GRAP2: variants seen among roughly 807,000 people sequenced by gnomAD.
GRAP2 encodes GRB2-related adapter protein 2.
A neutral mutation model predicts 43.5 loss-of-function variants in GRAP2; 31 were observed. That is an observed-to-expected ratio of 0.71 (90% CI 0.54 to 0.96). The LOEUF is 0.96. Among genes scored for constraint, GRAP2 ranks in the 40% least tolerant of loss-of-function variants. The pLI is 0.00. For synonymous variants in GRAP2, 156 were observed against 164.8 expected (o/e 0.95, Z 0.41); for missense variants, 371 against 424.4 (o/e 0.87, Z 1.11).
intron 1 of GRAP2, among the ~76,000 whole-genome samples, chr22:39,938,525 A>G (rs1373200133): frequency 6.6e-6 from 1 of 152,222 alleles, no homozygotes; most frequent in Admixed American, 6.5e-5. Flanking sequence ...AAACCCCAAG[A>G]AGCCAGCCAA....
At chr22:39,937,869 G>T (rs1270242793) in intron 1 of GRAP2, among the ~76,000 whole-genome samples, 1 of 152,116 alleles carries the variant, frequency 6.6e-6, no homozygotes, top group South Asian at 2.1e-4. Context: ...AGGGAAAAAA[G>T]AATCAAATGT....
intron 5 of GRAP2, among the ~76,000 whole-genome samples, chr22:39,966,434 C>T (rs193241981): frequency 4.6e-4 from 70 of 152,320 alleles, no homozygotes; most frequent in Non-Finnish European, 7.8e-4. Context: ...ATGTATCCCA[C>T]GCCTCATGTC....
chr22:39,969,526 C>G lies in GRAP2; in HGVS notation c.806C>G (p.Ala269Gly). 1.9e-6 allele frequency: 3 copies of G among 1,613,812 alleles called. No homozygotes were observed. Among genetic ancestry groups the G allele is most frequent in the Non-Finnish European group, 2.5e-6 (3 of 1,179,812 alleles). The change falls in exon 7 of 8, where the codon GCG becomes GGG. Residue 269 changes from alanine to glycine, a missense_variant. By Grantham distance (60) the Ala-to-Gly change is moderately conservative. Coordinates refer to ENST00000344138, the MANE Select transcript of GRAP2 (RefSeq NM_004810.4). ...CACACAGACCCAGTGCAGCTCCAGG[C>G]GGCAGGGGTATGGGAACTGTCCTTC... ...RRHTDPVQLQAAGRVRWARAL... is the reference protein window; with the variant it reads ...RRHTDPVQLQGAGRVRWARAL...
intron 1 of GRAP2, among the ~76,000 whole-genome samples, chr22:39,920,464 C>T (rs1197764223): frequency 6.6e-6 from 1 of 152,206 alleles, no homozygotes; most frequent in Non-Finnish European, 1.5e-5. Flanking sequence ...GCTGGGCTGC[C>T]TGGTTCTCCG....
In GRAP2 at chr22:39,921,218, G is replaced by A. The variant is rs138477567; in HGVS notation, c.-15+19888G>A. Reference sequence around the variant, plus strand: ...AAAACCTCACAAGCCAGCCAGCCTGGATTTGAATTTCAGCTCTATGGTTTC... The same window carrying A: ...AAAACCTCACAAGCCAGCCAGCCTGAATTTGAATTTCAGCTCTATGGTTTC... On this transcript the variant is annotated intron_variant, in intron 1 of 7. Transcript: ENST00000344138. 1.1e-4 allele frequency among the ~76,000 whole-genome samples: 17 copies of A among 152,268 alleles called. No individual in the cohort carries two copies. The East Asian group carries it at 3.3e-3, about 29-fold the overall frequency.
rs114280968 is a variant in GRAP2, at chr22:39,929,253, C to T, written c.-14-17840C>T. On this transcript the variant is annotated intron_variant, in intron 1 of 7. Coordinates refer to ENST00000344138, the MANE Select transcript of GRAP2 (RefSeq NM_004810.4). ...GACCTCTGTACTATTTTTGCAATTT[C>T]CTGAGAGACAGAGGGAAAGAGAGAA... Among the ~76,000 whole-genome samples, 962 of 152,004 alleles carry T rather than the reference C, an allele frequency of 6.3e-3. 9 individuals are homozygous for T. Among genetic ancestry groups the T allele is most frequent in the African/African-American group, 0.022 (917 of 41,408 alleles).
In GRAP2 at chr22:39,926,792, A is replaced by G. The variant is rs893681269; in HGVS notation, c.-14-20301A>G. 5.1e-6 allele frequency: 5 copies of G among 985,016 alleles called. No individual in the cohort carries two copies. In the African/African-American group the frequency reaches 7.0e-5, roughly 14 times the overall value. The allele number at this position is 985,016 out of a possible 1,614,324, so 61.0% of individuals were successfully genotyped here. A position where few individuals can be genotyped will look rare whatever the true frequency, so the allele number is the denominator to read the frequency against. ...TGATAGAGAGACAGCAGGTTCGCCC[A>G]AACAATTCTGGAACCCTGATCACTG... On this transcript the variant is annotated intron_variant, in intron 1 of 7. Coordinates refer to ENST00000344138, the MANE Select transcript of GRAP2 (RefSeq NM_004810.4).
At chr22:39,955,677 T>C in intron 2 of GRAP2, 142 bp from the exon 3 acceptor site, 1 of 550,808 alleles carries the variant, frequency 1.8e-6, no homozygotes, top group East Asian at 3.2e-5. Flanking sequence ...GGGTAAATCC[T>C]AGAACAGCTG....
chr22:39,943,760 G>C (rs181190725), intron 1 of GRAP2, among the ~76,000 whole-genome samples: 1 of 143,298 alleles, frequency 7.0e-6, no homozygotes, highest in Non-Finnish European at 1.5e-5. Flanking sequence ...TCACTCTGTC[G>C]CTAGACTGGA....
upstream of GRAP2, among the ~76,000 whole-genome samples, chr22:39,900,884 T>C (rs2066488401): frequency 6.6e-6 from 1 of 152,208 alleles, no homozygotes; most frequent in Non-Finnish European, 1.5e-5. Flanking sequence ...TCAAGAACTA[T>C]AAATTTTCTT....
chr22:39,932,387 G>A (rs2066764385), intron 1 of GRAP2, among the ~76,000 whole-genome samples: 1 of 151,998 alleles, frequency 6.6e-6, no homozygotes, highest in Admixed American at 6.6e-5. Flanking sequence ...TGTCTTAATA[G>A]TTGTTAGCTA....
chr22:39,912,098 T>C (rs1207075078), intron 1 of GRAP2, among the ~76,000 whole-genome samples: 1 of 152,252 alleles, frequency 6.6e-6, no homozygotes, highest in Non-Finnish European at 1.5e-5. Flanking sequence ...TATATTCAGC[T>C]ATTTCTCAGT....
chr22:39,905,025 C>T (rs2066514217), intron 1 of GRAP2, among the ~76,000 whole-genome samples: 1 of 152,096 alleles, frequency 6.6e-6, no homozygotes, highest in South Asian at 2.1e-4. Context: ...TACAGAATGC[C>T]AGGTTGTTCC....
intron 5 of GRAP2, 90 bp from the exon 6 acceptor site, chr22:39,967,952 C>T: frequency 1.3e-6 from 2 of 1,487,482 alleles, no homozygotes; most frequent in South Asian, 2.8e-5. Flanking sequence ...GCCAGATGAG[C>T]AGGGTCTGGG....
intron 1 of GRAP2, among the ~76,000 whole-genome samples, chr22:39,917,292 A>T (rs2066610658): frequency 6.6e-6 from 1 of 152,172 alleles, no homozygotes; most frequent in Non-Finnish European, 1.5e-5. Flanking sequence ...TCAGCAGCCC[A>T]AAGCCCCCCT....
rs184402944 is a variant in GRAP2 at position 39,913,931 on chromosome 22, G to A, written c.-15+12601G>A. On this transcript the variant is annotated intron_variant, in intron 1 of 7. Transcript: ENST00000344138. The stretch of plus-strand genomic sequence containing the variant: ...TCTTTCATCCCACCCTGCACACAGT[G>A]TGATTTCTATCATTCAGTAATGATA... Among the ~76,000 whole-genome samples the A allele has an allele frequency of 1.1e-4, 16 of 152,254 alleles. No individual in the cohort carries two copies. The East Asian group carries it at 2.7e-3, about 26-fold the overall frequency.
intron 1 of GRAP2, among the ~76,000 whole-genome samples, chr22:39,936,979 G>A (rs2066813251): frequency 6.6e-6 from 1 of 152,180 alleles, no homozygotes; most frequent in Non-Finnish European, 1.5e-5. Context: ...CAGTCATCCT[G>A]ACCAAGTAGG....
At position 39,919,068 on chromosome 22, in the gene GRAP2, T is replaced by C. The variant is rs144257934; in HGVS notation, c.-15+17738T>C. ...CAGGATAATCACTTGAGGCCAGGAG[T>C]TCAAGGCTACAGTGAGCCAGGGTTG... is the stretch of plus-strand genomic sequence containing the variant. On this transcript the variant is annotated intron_variant, in intron 1 of 7. Transcript: ENST00000344138. Among the ~76,000 whole-genome samples the C allele has an allele frequency of 5.5e-4, 84 of 152,096 alleles. 1 individual carries two copies. Among genetic ancestry groups the C allele is most frequent in the African/African-American group, 1.8e-3 (74 of 41,498 alleles).
intron 1 of GRAP2, among the ~76,000 whole-genome samples, chr22:39,933,841 GAA>G (rs763095563): frequency 3.0e-5 from 4 of 131,382 alleles, no homozygotes; most frequent in African/African-American, 2.8e-5. Context: ...ACCCTGTCTC[GAA>G]AAAAAAAAAA....
Sources: gnomAD v4.1 joint callset for allele counts (sites outside exome capture counted in the v4.1 genomes callset) on GRCh38, gnomAD v4.1.1 for gene constraint, MANE v1.5 for transcripts, NCBI Gene and HGNC (gene_info 2026-07-23, HGNC 2026-07-21) for gene names.